KDM2A: variants seen among roughly 807,000 people sequenced by gnomAD.
KDM2A encodes lysine-specific demethylase 2A.
Under a neutral mutation model 137.3 loss-of-function variants are expected in KDM2A, and 3 were observed. That is an observed-to-expected ratio of 0.02 (90% CI 0.01 to 0.06). The LOEUF (loss-of-function observed/expected upper bound fraction) is 0.06, where lower values mean the gene tolerates loss of function less well. Among genes scored for constraint, KDM2A ranks in the 10% least tolerant of loss-of-function variants. KDM2A has a pLI of 1.00. For missense variants in KDM2A, 738 were observed against 1,510.6 expected (o/e 0.49, Z 8.48); for synonymous variants, 512 against 541.5 (o/e 0.95, Z 0.76).
At chr11:67,172,069 A>T (rs1590746862) in intron 2 of KDM2A, among the ~76,000 whole-genome samples, 1 of 152,152 alleles carries the variant, frequency 6.6e-6, no homozygotes, top group East Asian at 1.9e-4. Context: ...GGCTTACTGC[A>T]GCCTCAACCT....
At chr11:67,134,670 A>G (rs189693347) in intron 2 of KDM2A, among the ~76,000 whole-genome samples, 5 of 151,900 alleles carry the variant, frequency 3.3e-5, no homozygotes, top group Non-Finnish European at 5.9e-5. Flanking sequence ...ACGCCCAGCT[A>G]ATTTTTATAT....
At chr11:67,210,136 G>A (rs1226396456) in intron 6 of KDM2A, among the ~76,000 whole-genome samples, 1 of 152,108 alleles carries the variant, frequency 6.6e-6, no homozygotes, top group Non-Finnish European at 1.5e-5. Context: ...GGAGGCCGAA[G>A]GCAGACAGAT....
At chr11:67,191,380 G>A (rs1008295357) in intron 5 of KDM2A, among the ~76,000 whole-genome samples, 2 of 152,080 alleles carry the variant, frequency 1.3e-5, no homozygotes, top group East Asian at 1.9e-4. Flanking sequence ...ATACCAAAGC[G>A]AGACAAAGAC....
chr11:67,150,030 G>A (rs1856349831), intron 2 of KDM2A, among the ~76,000 whole-genome samples: 1 of 152,056 alleles, frequency 6.6e-6, no homozygotes, highest in African/African-American at 2.4e-5. Context: ...CCTAGAATCT[G>A]TATTTTAGAT....
chr11:67,124,614 C>CTT (rs34517858), intron 2 of KDM2A, among the ~76,000 whole-genome samples: 1,544 of 112,646 alleles, frequency 0.014, 34 homozygotes, highest in African/African-American at 0.04. Context: ...GCCTGGCCCA[C>CTT]TTTTTTTTTT....
In KDM2A at chr11:67,157,573, C is replaced by T. The variant is rs184756497; in HGVS notation, c.43-22506C>T. On this transcript the variant is annotated intron_variant, in intron 2 of 20. Coordinates refer to ENST00000529006, the MANE Select transcript of KDM2A (RefSeq NM_012308.3). The stretch of plus-strand genomic sequence containing the variant: ...CAGCCTGGCCAACATGGTGAAACCC[C>T]GTCTCTACTAAAAATACAAAAATTA... Among the ~76,000 whole-genome samples the T allele has an allele frequency of 5.8e-4, 88 of 151,618 alleles. 2 individuals carry two copies. The East Asian group carries it at 0.016, about 27-fold the overall frequency.
chr11:67,256,237 T>G lies in KDM2A; in HGVS notation c.*1182T>G, dbSNP rs1160062524. ...GAGGGAGGGAGGGAGGGGAGCATGG[T>G]GTCTCCCGCTCCACCGCCCTTTGTT... On this transcript the variant is annotated 3_prime_UTR_variant, in exon 21 of 21. Transcript: ENST00000529006. 6.6e-6 allele frequency: 1 copy of G among 152,578 alleles called. No individual in the cohort carries two copies. The highest frequency in any genetic ancestry group is 1.5e-5 in the Non-Finnish European group (1 of 68,220). The allele number at this position is 152,578 out of a possible 1,614,324, so 9.5% of individuals were successfully genotyped here.
intron 10 of KDM2A, among the ~76,000 whole-genome samples, chr11:67,222,280 C>T (rs538253663): frequency 2.4e-4 from 19 of 80,412 alleles, no homozygotes; most frequent in South Asian, 1.0e-3. Flanking sequence ...TGACTCTTAA[C>T]GAGCATGCTG....
At chr11:67,246,199 G>T in intron 15 of KDM2A, 83 bp downstream of exon 15, 10 of 1,470,234 alleles carry the variant, frequency 6.8e-6, no homozygotes, top group Non-Finnish European at 7.5e-6. Context: ...TGATGGGAGT[G>T]CCAGCATCCC....
chr11:67,203,739 G>A (rs1263296994), intron 5 of KDM2A, among the ~76,000 whole-genome samples: 3 of 151,202 alleles, frequency 2.0e-5, no homozygotes, highest in African/African-American at 4.8e-5. Context: ...GGGTGACAGA[G>A]TGAGGCCCCA....
chr11:67,192,080 G>A (rs1857367766), intron 5 of KDM2A, among the ~76,000 whole-genome samples: 1 of 152,110 alleles, frequency 6.6e-6, no homozygotes, highest in African/African-American at 2.4e-5. Context: ...AGATCCACTT[G>A]TGTACAACTT....
chr11:67,200,105 G>A (rs892326787), intron 5 of KDM2A, among the ~76,000 whole-genome samples: 7 of 152,128 alleles, frequency 4.6e-5, no homozygotes, highest in African/African-American at 1.7e-4. Context: ...CCACTGTGGA[G>A]ATCTGCTCAG....
chr11:67,253,440 C>T lies in KDM2A; in HGVS notation c.2933-13C>T, dbSNP rs1859500787. On this transcript the variant is annotated splice_polypyrimidine_tract_variant and intron_variant, in intron 18 of 20. Transcript: ENST00000529006. ...ACAGTGTATTATTACATGTCTCATT[C>T]CATCCATTGCAGGACTGAAAGACCT... is the stretch of plus-strand genomic sequence containing the variant. 6.2e-7 allele frequency: 1 copy of T among 1,611,172 alleles called. No homozygotes were observed.
At chr11:67,185,054 A>G (rs372987587) in intron 5 of KDM2A, among the ~76,000 whole-genome samples, 1 of 152,228 alleles carries the variant, frequency 6.6e-6, no homozygotes, top group East Asian at 1.9e-4. Context: ...CTAATAGACA[A>G]AGATTTTTAA....
chr11:67,225,513 G>A (rs747985459), intron 10 of KDM2A, among the ~76,000 whole-genome samples: 4 of 152,102 alleles, frequency 2.6e-5, no homozygotes, highest in Non-Finnish European at 5.9e-5. Flanking sequence ...GCTCACGCCT[G>A]TAATCCCAGC....
chr11:67,190,406 G>A (rs866665969), intron 5 of KDM2A, among the ~76,000 whole-genome samples: 3 of 151,708 alleles, frequency 2.0e-5, no homozygotes, highest in Non-Finnish European at 4.4e-5. Flanking sequence ...GCAAACCTCC[G>A]ACTCAAAAAA....
chr11:67,195,587 G>A (rs1304694001), intron 5 of KDM2A: 1 of 154,282 alleles, frequency 6.5e-6, no homozygotes. Context: ...AGTGGCTCTG[G>A]TGTAATAGAG....
intron 5 of KDM2A, among the ~76,000 whole-genome samples, chr11:67,194,325 A>C (rs1309768637): frequency 2.0e-5 from 3 of 152,220 alleles, no homozygotes; most frequent in African/African-American, 7.2e-5. Context: ...CTGCTCAGCC[A>C]GATTCCCAGA....
chr11:67,154,699 A>G (rs1231126971), intron 2 of KDM2A, among the ~76,000 whole-genome samples: 1 of 151,954 alleles, frequency 6.6e-6, no homozygotes, highest in Non-Finnish European at 1.5e-5. Flanking sequence ...TTGGCCTCCC[A>G]AAGTGTTGGG....
Sources: gnomAD v4.1 joint callset for allele counts (sites outside exome capture counted in the v4.1 genomes callset) on GRCh38, gnomAD v4.1.1 for gene constraint, MANE v1.5 for transcripts, NCBI Gene and HGNC (gene_info 2026-07-23, HGNC 2026-07-21) for gene names.